Variants in PIGL observed in about 807,000 individuals in gnomAD.
PIGL encodes the protein N-acetylglucosaminyl-phosphatidylinositol de-N-acetylase.
PIGL carries 22 observed loss-of-function variants against 31.1 expected under a neutral mutation model. That is an observed-to-expected ratio of 0.71 (90% CI 0.51 to 1.01). PIGL has a LOEUF of 1.01. PIGL is among the 50% of genes least tolerant of loss of function. PIGL has a pLI of 0.00. For missense variants in PIGL, 302 were observed against 315.9 expected (o/e 0.96, Z 0.33); for synonymous variants, 131 against 117.4 (o/e 1.12, Z -0.75).
In PIGL at chr17:16,313,608, C is replaced by T. The variant is rs750330113; in HGVS notation, c.488C>T (p.Ala163Val). 7 of 1,611,576 alleles carry T rather than the reference C, an allele frequency of 4.3e-6. No homozygotes were observed. The highest frequency in any genetic ancestry group is 3.3e-5 in the Admixed American group (2 of 59,990). ...GHSNHIALYA[A>V]VRALHSEGKL... The stretch of plus-strand genomic sequence containing the variant: ...AGCAATCACATTGCTCTGTATGCAG[C>T]TGTGAGGTATGATTCTCCGGGTGAT... Residue 163 changes from alanine to valine, a missense_variant, in exon 4 of 7, where the codon GCT becomes GTT. Physicochemically the swap from Ala to Val is moderately conservative, Grantham distance 64. Coordinates refer to ENST00000225609, the MANE Select transcript of PIGL (RefSeq NM_004278.4).
chr17:16,246,187 G>C (rs992156839), intron 2 of PIGL, among the ~76,000 whole-genome samples: 1 of 151,214 alleles, frequency 6.6e-6, no homozygotes, highest in Non-Finnish European at 1.5e-5. Context: ...TCCCCTACTC[G>C]TGAAATGCTA....
At chr17:16,291,886 A>G (rs1476242421) in intron 2 of PIGL, among the ~76,000 whole-genome samples, 4 of 151,780 alleles carry the variant, frequency 2.6e-5, no homozygotes, top group Non-Finnish European at 4.4e-5. Flanking sequence ...AAAAAAGAAA[A>G]TAGGGCTGAG....
At chr17:16,269,868 A>C (rs1241568662) in intron 2 of PIGL, among the ~76,000 whole-genome samples, 1 of 152,078 alleles carries the variant, frequency 6.6e-6, no homozygotes, top group Non-Finnish European at 1.5e-5. Context: ...TTTTTTAAGA[A>C]TGAGTCATTG....
rs568342419 is a variant in PIGL, at chr17:16,243,168, A to G, written c.335+9098A>G. 2.0e-5 allele frequency among the ~76,000 whole-genome samples: 3 copies of G among 152,214 alleles called. No individual in the cohort carries two copies. In the South Asian group the frequency reaches 6.2e-4, roughly 32 times the overall value. On this transcript the variant is annotated intron_variant, in intron 2 of 6. Coordinates refer to ENST00000225609, the MANE Select transcript of PIGL (RefSeq NM_004278.4). ...CGGGTTCAAGCAATTCTCCTGCCTCAGCCTCCCAAGTAGCTAGGATCACAG... is the reference window on the plus strand; with the variant it reads ...CGGGTTCAAGCAATTCTCCTGCCTCGGCCTCCCAAGTAGCTAGGATCACAG...
At chr17:16,293,297 G>A (rs1022132077) in intron 2 of PIGL, among the ~76,000 whole-genome samples, 1 of 152,200 alleles carries the variant, frequency 6.6e-6, no homozygotes, top group African/African-American at 2.4e-5. Context: ...GGCCAAGGTG[G>A]GTGGATCACG....
At chr17:16,250,955 A>G (rs1179291399) in intron 2 of PIGL, among the ~76,000 whole-genome samples, 4 of 152,210 alleles carry the variant, frequency 2.6e-5, no homozygotes, top group Admixed American at 1.3e-4. Flanking sequence ...CTAACTGCAC[A>G]AGATAGGTTT....
At chr17:16,306,818 C>A (rs183144665) in intron 3 of PIGL, among the ~76,000 whole-genome samples, 2 of 152,232 alleles carry the variant, frequency 1.3e-5, no homozygotes, top group African/African-American at 4.8e-5. Flanking sequence ...CGTGAGCCAC[C>A]GCACCCGGCT....
intron 2 of PIGL, among the ~76,000 whole-genome samples, chr17:16,247,389 A>C (rs1568793955): frequency 6.6e-6 from 1 of 152,226 alleles, no homozygotes. Flanking sequence ...AGTCTCATCT[A>C]AATAGCCTCA....
chr17:16,247,746 T>C (rs967107976), intron 2 of PIGL, among the ~76,000 whole-genome samples: 6 of 152,204 alleles, frequency 3.9e-5, no homozygotes, highest in African/African-American at 1.4e-4. Flanking sequence ...TCCAGCAGGC[T>C]TCTTTCGTCC....
At chr17:16,293,617 A>G (rs561412814) in intron 2 of PIGL, among the ~76,000 whole-genome samples, 1 of 152,360 alleles carries the variant, frequency 6.6e-6, no homozygotes, top group East Asian at 1.9e-4. Flanking sequence ...GGTTCATCCA[A>G]ATATAGAGTA....
At chr17:16,305,830 C>T (rs893977393) in intron 3 of PIGL, among the ~76,000 whole-genome samples, 2 of 152,182 alleles carry the variant, frequency 1.3e-5, no homozygotes, top group Admixed American at 6.6e-5. Context: ...GTCGCCTAGG[C>T]TGGAATGCAG....
chr17:16,258,145 GAGA>G, intron 2 of PIGL, among the ~76,000 whole-genome samples: 2 of 147,924 alleles, frequency 1.4e-5, no homozygotes, highest in Non-Finnish European at 3.0e-5. Flanking sequence ...GAGAAAGAGA[GAGA>G]GAGAGAGAGA....
At chr17:16,258,103 A>AG (rs2092803342) in intron 2 of PIGL, among the ~76,000 whole-genome samples, 43 of 65,644 alleles carry the variant, frequency 6.6e-4, no homozygotes, top group East Asian at 4.0e-3. Context: ...GAGAGAGAGA[A>AG]AGAGAGAGAG....
intron 2 of PIGL, among the ~76,000 whole-genome samples, chr17:16,291,243 C>G (rs1482487728): frequency 6.6e-6 from 1 of 152,102 alleles, no homozygotes; most frequent in Non-Finnish European, 1.5e-5. Context: ...CGTGGTGGCT[C>G]GCGCCTGTAA....
chr17:16,287,644 GAAGTCAGAAGCAAAATTA>G (rs1336710791), intron 2 of PIGL, among the ~76,000 whole-genome samples: 1 of 152,192 alleles, frequency 6.6e-6, no homozygotes, highest in Non-Finnish European at 1.5e-5. Flanking sequence ...TTTTGACTGA[GAAGTCAGAAGCAAAATTA>G]AAGTTTAGTG....
At chr17:16,322,510 A>G (rs1219146492) in intron 6 of PIGL, among the ~76,000 whole-genome samples, 4 of 152,200 alleles carry the variant, frequency 2.6e-5, no homozygotes, top group African/African-American at 9.7e-5. Flanking sequence ...TTAGCTACAC[A>G]TGATAAGTTT....
chr17:16,235,942 C>A (rs372317399), intron 2 of PIGL, among the ~76,000 whole-genome samples: 1 of 152,058 alleles, frequency 6.6e-6, no homozygotes, highest in African/African-American at 2.4e-5. Flanking sequence ...ATTTTAAAGA[C>A]CCCCGTCAAA....
chr17:16,305,509 C>T (rs552414881), intron 3 of PIGL, among the ~76,000 whole-genome samples: 4 of 152,272 alleles, frequency 2.6e-5, no homozygotes, highest in African/African-American at 9.6e-5. Flanking sequence ...TTGTCATGTA[C>T]AAATCTGCAA....
At chr17:16,297,918 G>C (rs1391133780) in intron 2 of PIGL, among the ~76,000 whole-genome samples, 1 of 152,196 alleles carries the variant, frequency 6.6e-6, no homozygotes, top group East Asian at 1.9e-4. Context: ...CAGGAGGTGA[G>C]TGACGGGCAA....
Sources: allele counts gnomAD v4.1 joint callset (sites outside exome capture counted in the v4.1 genomes callset), GRCh38; gene constraint gnomAD v4.1.1; transcripts MANE v1.5; gene names NCBI Gene and HGNC (gene_info 2026-07-23, HGNC 2026-07-21).